Variants in BCL2L13 observed in about 807,000 individuals in gnomAD.
The protein encoded by BCL2L13 is bcl-2-like protein 13.
In BCL2L13, 13 loss-of-function variants were observed where a neutral mutation model predicts 25.8. The ratio of observed to expected loss-of-function variants is 0.50; its 90% CI spans 0.33 to 0.80. BCL2L13 has a LOEUF of 0.80. BCL2L13 is among the 30% of genes least tolerant of loss of function. BCL2L13 has a pLI of 0.02. For missense variants in BCL2L13, 504 were observed against 574.9 expected (o/e 0.88, Z 1.26); for synonymous variants, 244 against 230.3 (o/e 1.06, Z -0.54).
At position 17,638,823 on chromosome 22, in the gene BCL2L13, C is replaced by A. The variant is rs1485069629; in HGVS notation, c.-114C>A. 2.4e-6 allele frequency: 3 copies of A among 1,232,062 alleles called. No individual in the cohort carries two copies. Among genetic ancestry groups the A allele is most frequent in the Non-Finnish European group, 3.0e-6 (3 of 988,288 alleles). The allele number at this position is 1,232,062 out of a possible 1,614,324, so 76.3% of individuals were successfully genotyped here. ...CGGAGCACTCACCGCCGCTGGGGGA[C>A]CCTGTCGGAAGCAACTGCCGCCGCC... On this transcript the variant is annotated 5_prime_UTR_variant, in exon 1 of 7. Coordinates refer to ENST00000317582, the MANE Select transcript of BCL2L13 (RefSeq NM_015367.4).
intron 6 of BCL2L13, among the ~76,000 whole-genome samples, chr22:17,721,315 C>A (rs975346457): frequency 1.5e-4 from 23 of 152,110 alleles, no homozygotes; most frequent in Admixed American, 1.5e-3. Flanking sequence ...ATCTCATGTT[C>A]CCAGGAAGTA....
At chr22:17,669,067 C>T (rs1223409165) in intron 2 of BCL2L13, among the ~76,000 whole-genome samples, 1 of 136,422 alleles carries the variant, frequency 7.3e-6, no homozygotes, top group Non-Finnish European at 1.5e-5. Flanking sequence ...GAGTCTCGCT[C>T]TGTCGCCCAG....
Position 17,672,009 on chromosome 22 carries a change from C to T in BCL2L13, c.122-11205C>T, listed in dbSNP as rs574903613. On this transcript the variant is annotated intron_variant, in intron 2 of 6. Coordinates refer to ENST00000317582, the MANE Select transcript of BCL2L13 (RefSeq NM_015367.4). ...GATTACAGGCATGAGCCACTGTGCCCGGCCAACATCTGGTTTCTTAATTGC... is the reference window on the plus strand; with the variant it reads ...GATTACAGGCATGAGCCACTGTGCCTGGCCAACATCTGGTTTCTTAATTGC... Among the ~76,000 whole-genome samples, 121 of 152,314 alleles carry T rather than the reference C, an allele frequency of 7.9e-4. 1 individual carries two copies. Among genetic ancestry groups the T allele is most frequent in the South Asian group, 5.0e-3 (24 of 4,824 alleles).
At chr22:17,647,985 CCGGG>C (rs2058552480) in intron 1 of BCL2L13, among the ~76,000 whole-genome samples, 1 of 152,006 alleles carries the variant, frequency 6.6e-6, no homozygotes, top group Non-Finnish European at 1.5e-5. Context: ...AAAAAATTAT[CCGGG>C]CTTGGTGGCA....
At chr22:17,692,860 G>A (rs1476956348) in intron 4 of BCL2L13, among the ~76,000 whole-genome samples, 2 of 152,198 alleles carry the variant, frequency 1.3e-5, no homozygotes, top group East Asian at 1.9e-4. Context: ...ATTTTATTTA[G>A]CCCAGTACAT....
intron 2 of BCL2L13, among the ~76,000 whole-genome samples, chr22:17,664,216 C>T (rs941877788): frequency 6.6e-6 from 1 of 152,102 alleles, no homozygotes. Context: ...AACTCCTGAC[C>T]TCAGGTGATC....
intron 2 of BCL2L13, among the ~76,000 whole-genome samples, chr22:17,676,446 G>A (rs1215737603): frequency 6.6e-6 from 1 of 152,176 alleles, no homozygotes; most frequent in Non-Finnish European, 1.5e-5. Flanking sequence ...CTGGGTGACA[G>A]AGCGAGACTC....
intron 2 of BCL2L13, among the ~76,000 whole-genome samples, chr22:17,659,534 G>T (rs901332427): frequency 6.9e-6 from 1 of 145,308 alleles, no homozygotes; most frequent in Non-Finnish European, 1.6e-5. Context: ...GGTGGCGGGT[G>T]CCTGTAGTCC....
intron 6 of BCL2L13, chr22:17,706,607 T>C (rs1029370825): frequency 9.0e-7 from 1 of 1,117,182 alleles, no homozygotes; most frequent in Non-Finnish European, 1.1e-6. Flanking sequence ...GTGTGGTTTT[T>C]TTCCCTCTCC....
At chr22:17,673,026 C>T (rs1195323872) in intron 2 of BCL2L13, among the ~76,000 whole-genome samples, 1 of 152,100 alleles carries the variant, frequency 6.6e-6, no homozygotes, top group African/African-American at 2.4e-5. Context: ...ATTCTATTTA[C>T]CAGAATATGT....
intron 5 of BCL2L13, among the ~76,000 whole-genome samples, chr22:17,698,538 T>G: frequency 1.8e-5 from 2 of 108,764 alleles, no homozygotes; most frequent in Non-Finnish European, 3.4e-5. Flanking sequence ...CTGGGCAACA[T>G]AGCAAGACCC....
At chr22:17,723,900 T>G (rs551961638) in intron 6 of BCL2L13, among the ~76,000 whole-genome samples, 2 of 149,172 alleles carry the variant, frequency 1.3e-5, no homozygotes, top group East Asian at 3.9e-4. Flanking sequence ...ACCACTGCAC[T>G]CCAGCCTGAT....
At chr22:17,716,980 A>G (rs917817062) in intron 6 of BCL2L13, among the ~76,000 whole-genome samples, 1 of 152,168 alleles carries the variant, frequency 6.6e-6, no homozygotes, top group Non-Finnish European at 1.5e-5. Flanking sequence ...CTTCTCGTTC[A>G]TTGGCCTAAT....
At chr22:17,628,888 C>G (rs2057944448), upstream of BCL2L13, 2 of 567,334 alleles carry the variant, frequency 3.5e-6, no homozygotes. Context: ...TTCTACGTCG[C>G]TGACTCGTGA....
chr22:17,715,476 C>T (rs1304794484), intron 6 of BCL2L13, among the ~76,000 whole-genome samples: 2 of 151,256 alleles, frequency 1.3e-5, no homozygotes. Context: ...GCCACTGCAC[C>T]CAGCCTATAT....
chr22:17,674,480 C>T (rs2059515242), intron 2 of BCL2L13, among the ~76,000 whole-genome samples: 1 of 151,932 alleles, frequency 6.6e-6, no homozygotes, highest in Admixed American at 6.6e-5. Flanking sequence ...GTTCCGGGCG[C>T]CTGTAATCCC....
chr22:17,675,784 G>T (rs2146658253), intron 2 of BCL2L13, among the ~76,000 whole-genome samples: 1 of 152,250 alleles, frequency 6.6e-6, no homozygotes, highest in Admixed American at 6.5e-5. Flanking sequence ...AATTTGTTGT[G>T]CAATGTCCAA....
intron 2 of BCL2L13, among the ~76,000 whole-genome samples, chr22:17,669,812 G>A (rs969955428): frequency 4.6e-5 from 7 of 152,128 alleles, no homozygotes; most frequent in Non-Finnish European, 7.4e-5. Flanking sequence ...CAGCCCCCTC[G>A]CCATGTAATA....
chr22:17,664,051 G>A (rs932677942), intron 2 of BCL2L13, among the ~76,000 whole-genome samples: 2 of 152,174 alleles, frequency 1.3e-5, no homozygotes, highest in Admixed American at 1.3e-4. Flanking sequence ...GTTTTGCCAT[G>A]TTGGCCAGCC....
Sources: gnomAD v4.1 joint callset for allele counts (sites outside exome capture counted in the v4.1 genomes callset) on GRCh38, gnomAD v4.1.1 for gene constraint, MANE v1.5 for transcripts, NCBI Gene and HGNC (gene_info 2026-07-23, HGNC 2026-07-21) for gene names.